SYCN: variants seen among roughly 807,000 people sequenced by gnomAD.
SYCN encodes syncollin.
Under a neutral mutation model 12.6 loss-of-function variants are expected in SYCN, and 16 were observed. The observed-to-expected ratio is 1.27, with a 90% CI of 0.86 to 1.92. The LOEUF is 1.92. Among genes scored for constraint, SYCN ranks in the 30% most tolerant of loss-of-function variants. The pLI, the probability that SYCN is intolerant of heterozygous loss-of-function variation, is 0.00. For synonymous variants in SYCN, 97 were observed against 88.4 expected (o/e 1.10, Z -0.55); for missense variants, 226 against 181.8 (o/e 1.24, Z -1.40).
chr19:39,203,733 G>C, intron 1 of SYCN, 127 bp downstream of exon 1: 1 of 1,157,162 alleles, frequency 8.6e-7, no homozygotes, highest in Non-Finnish European at 1.2e-6. Context: ...GAGGCCTGGT[G>C]CTCCCTGTTA....
At position 39,202,998 on chromosome 19, in the gene SYCN, T is replaced by G; in HGVS notation, c.396-2A>C. The G allele has an allele frequency of 6.3e-7, 1 of 1,575,062 alleles. No individual in the cohort carries two copies. Among genetic ancestry groups the G allele is most frequent in the Non-Finnish European group, 8.6e-7 (1 of 1,160,848 alleles). On this transcript the variant is annotated splice_acceptor_variant, in intron 1 of 1. Transcript: ENST00000318438. LOFTEE classifies it high-confidence loss of function. The stretch of plus-strand genomic sequence containing the variant: ...AGACCAGCAATGCATCAGCTGCACC[T>G]GAAATGTAATCAAGAATTCCTTCCA...
chr19:39,204,205 G>A lies in SYCN; in HGVS notation c.50C>T (p.Pro17Leu). 2 of 1,607,776 alleles carry A rather than the reference G, an allele frequency of 1.2e-6. No homozygotes were observed. The highest frequency in any genetic ancestry group is 1.7e-6 in the Non-Finnish European group (2 of 1,178,616). ...LLLALALASV[P>L]CAQGACPASA... ...GGCGGGGCAGGCGCCCTGGGCGCAA[G>A]GCACGGAGGCAAGGGCCAGGGCCAG... Residue 17 changes from proline to leucine, a missense_variant, in exon 1 of 2, where the codon CCT becomes CTT. By Grantham distance (98) the Pro-to-Leu change is moderately conservative (BLOSUM62 -3). Transcript: ENST00000318438.
At chr19:39,203,336 A>G (rs1455988383) in intron 1 of SYCN, among the ~76,000 whole-genome samples, 2 of 151,234 alleles carry the variant, frequency 1.3e-5, no homozygotes, top group Non-Finnish European at 2.9e-5. Context: ...GGGAGTGGAG[A>G]GCATGAAGGC....
Position 39,202,950 on chromosome 19 carries a change from A to G in SYCN, c.*37T>C, listed in dbSNP as rs913860423. ...GGATGGGCTGAGTGAGGGGCTTGGC[A>G]CTCTGTGGAAGCTGCAGATGAGAGA... On this transcript the variant is annotated 3_prime_UTR_variant, in exon 2 of 2. Transcript: ENST00000318438. The G allele has an allele frequency of 3.8e-6, 6 of 1,576,140 alleles. No homozygotes were observed. The African/African-American group carries it at 6.8e-5, about 18-fold the overall frequency.
At chr19:39,203,647 G>A (rs1185833964) in intron 1 of SYCN, among the ~76,000 whole-genome samples, 1 of 152,034 alleles carries the variant, frequency 6.6e-6, no homozygotes, top group East Asian at 1.9e-4. Flanking sequence ...TGGGGACCGG[G>A]TGCTGGGGGT....
rs764891208 is a variant in SYCN at position 39,203,929 on chromosome 19, G to T, written c.326C>A (p.Pro109Gln). The T allele has an allele frequency of 7.4e-6, 12 of 1,611,350 alleles. No homozygotes were observed. The highest frequency in any genetic ancestry group is 1.0e-5 in the Non-Finnish European group (12 of 1,178,930). ...KTHKFSAGTY[P>Q]RLEEYRRGIL... ...GCCCCGGCGGTACTCCTCCAGGCGC[G>T]GGTAGGTGCCGGCAGAGAACTTGTG... The change falls in exon 1 of 2, where the codon CCG becomes CAG. Residue 109 changes from proline to glutamine, a missense_variant. By Grantham distance (76) the Pro-to-Gln change is moderately conservative (BLOSUM62 -1). Transcript: ENST00000318438.
chr19:39,203,418 A>T (rs2074796470), intron 1 of SYCN, among the ~76,000 whole-genome samples: 1 of 150,534 alleles, frequency 6.6e-6, no homozygotes, highest in Admixed American at 6.6e-5. Flanking sequence ...GGGAGCTTTG[A>T]GATGTGATGA....
At chr19:39,203,631 G>A (rs1445634517) in intron 1 of SYCN, among the ~76,000 whole-genome samples, 1 of 152,040 alleles carries the variant, frequency 6.6e-6, no homozygotes, top group Non-Finnish European at 1.5e-5. Flanking sequence ...TGGGCTGCAG[G>A]TGGAGTGGGG....
Position 39,204,156 on chromosome 19 carries a change from GT to G in SYCN, c.98del (p.Asp33AlafsTer87). 1.9e-6 allele frequency: 3 copies of G among 1,612,586 alleles called. No individual in the cohort carries two copies. The highest frequency in any genetic ancestry group is 2.5e-6 in the Non-Finnish European group (3 of 1,179,666). ...CPASADLKHS[D>X]GTRTCAKLYD... ...AGAGCTTGGCGCAAGTGCGCGTCCC[GT>G]CCGAGTGCTTGAGGTCGGCGGAGGC... On this transcript the variant is annotated frameshift_variant, in exon 1 of 2. Transcript: ENST00000318438. LOFTEE classifies it high-confidence loss of function.
Position 39,203,767 on chromosome 19 carries a change from A to T in SYCN, c.395+93T>A, listed in dbSNP as rs1600436543. The T allele has an allele frequency of 4.4e-5, 62 of 1,412,766 alleles. 1 individual carries two copies. In the South Asian group the frequency reaches 8.8e-4, roughly 20 times the overall value. The allele number at this position is 1,412,766 out of a possible 1,614,324, so 87.5% of individuals were successfully genotyped here. A position where few individuals can be genotyped will look rare whatever the true frequency, so the allele number is the denominator to read the frequency against. On this transcript the variant is annotated intron_variant, in intron 1 of 1. Coordinates refer to ENST00000318438, the MANE Select transcript of SYCN (RefSeq NM_001080468.4). ...TACAGTCGGGAGCTCAGGGGTGTGGAGCAGCCTCGGGGCTTGGGTGGTGGG... is the reference window on the plus strand; with the variant it reads ...TACAGTCGGGAGCTCAGGGGTGTGGTGCAGCCTCGGGGCTTGGGTGGTGGG...
In SYCN at chr19:39,203,904, G is replaced by A; in HGVS notation, c.351C>T (p.Gly117=). The A allele has an allele frequency of 6.2e-7, 1 of 1,611,522 alleles. No homozygotes were observed. Among genetic ancestry groups the A allele is most frequent in the Non-Finnish European group, 8.5e-7 (1 of 1,178,836 alleles). The change falls in exon 1 of 2, where the codon GGC becomes GGT. Residue 117 remains glycine, a synonymous_variant. Coordinates refer to ENST00000318438, the MANE Select transcript of SYCN (RefSeq NM_001080468.4). ...TAGCGTTGGACCAGTCTCCTAAGATGCCCCGGCGGTACTCCTCCAGGCGCG... is the reference window on the plus strand; with the variant it reads ...TAGCGTTGGACCAGTCTCCTAAGATACCCCGGCGGTACTCCTCCAGGCGCG... ...TYPRLEEYRR[G]ILGDWSNAIS... is the part of the protein sequence containing the mutation.
intron 1 of SYCN, among the ~76,000 whole-genome samples, chr19:39,203,545 TA>T (rs2074796958): frequency 6.6e-6 from 1 of 151,704 alleles, no homozygotes; most frequent in African/African-American, 2.4e-5. Context: ...GGCGGGTGGG[TA>T]GGCGGAAGAT....
At chr19:39,203,113 G>C in intron 1 of SYCN, 117 bp from the exon 2 acceptor site, 2 of 1,068,630 alleles carry the variant, frequency 1.9e-6, no homozygotes, top group Non-Finnish European at 2.8e-6. Flanking sequence ...TCCAAGTTCA[G>C]GAACCAGGGA....
Position 39,203,927 on chromosome 19 carries a change from G to C in SYCN, c.328C>G (p.Arg110Gly), listed in dbSNP as rs563908476. Residue 110 changes from arginine (R) to glycine (G), a missense_variant, in exon 1 of 2, where the codon CGC becomes GGC. Arg to Gly is a moderately radical substitution (Grantham distance 125). Coordinates refer to ENST00000318438, the MANE Select transcript of SYCN (RefSeq NM_001080468.4). ...ATGCCCCGGCGGTACTCCTCCAGGCGCGGGTAGGTGCCGGCAGAGAACTTG... is the reference window on the plus strand; with the variant it reads ...ATGCCCCGGCGGTACTCCTCCAGGCCCGGGTAGGTGCCGGCAGAGAACTTG... ...THKFSAGTYP[R>G]LEEYRRGILG... The C allele has an allele frequency of 4.2e-5, 67 of 1,611,134 alleles. No homozygotes were observed. Among genetic ancestry groups the C allele is most frequent in the Non-Finnish European group, 5.6e-5 (66 of 1,178,880 alleles).
chr19:39,203,837 C>G, intron 1 of SYCN, 23 bp downstream of exon 1: 1 of 1,561,716 alleles, frequency 6.4e-7, no homozygotes, highest in Non-Finnish European at 8.7e-7. Context: ...GGGGTGGGCT[C>G]GGAGCTTTGG....
chr19:39,203,879 TA>T lies in SYCN; in HGVS notation c.375del (p.Ile126SerfsTer?). 1.2e-6 allele frequency: 2 copies of T among 1,601,450 alleles called. No homozygotes were observed. Among genetic ancestry groups the T allele is most frequent in the Non-Finnish European group, 1.7e-6 (2 of 1,172,008 alleles). ...GGGCACCTGCAGTAGAGCGCGGAGA[TA>T]GCGTTGGACCAGTCTCCTAAGATGC... ...RRGILGDWSNAISALYCRCS is the reference protein window; with the variant it reads ...RRGILGDWSNXISALYCRCS On this transcript the variant is annotated frameshift_variant, in exon 1 of 2. Transcript: ENST00000318438. LOFTEE classifies it high-confidence loss of function.
chr19:39,203,964 C>G lies in SYCN; in HGVS notation c.291G>C (p.Ala97=). ...CGGCAGAGAACTTGTGCGTCTTGCCCGCCTTGCCTTGCCGGGACCACACGG... is the reference window on the plus strand; with the variant it reads ...CGGCAGAGAACTTGTGCGTCTTGCCGGCCTTGCCTTGCCGGGACCACACGG... The part of the protein sequence containing the change: ...ELTVWSRQGK[A]GKTHKFSAGT... The change falls in exon 1 of 2, where the codon GCG becomes GCC. Residue 97 remains alanine, a synonymous_variant. Coordinates refer to ENST00000318438, the MANE Select transcript of SYCN (RefSeq NM_001080468.4). 2 of 1,609,170 alleles carry G rather than the reference C, an allele frequency of 1.2e-6. No homozygotes were observed. The highest frequency in any genetic ancestry group is 1.7e-6 in the Non-Finnish European group (2 of 1,178,038).
At position 39,204,041 on chromosome 19, in the gene SYCN, T is replaced by G. The variant is rs1464816836; in HGVS notation, c.214A>C (p.Asn72His). Residue 72 changes from asparagine to histidine, a missense_variant, in exon 1 of 2, where the codon AAC (asparagine) becomes CAC (histidine). By Grantham distance (68) the Asn-to-His change is moderately conservative. Coordinates refer to ENST00000318438, the MANE Select transcript of SYCN (RefSeq NM_001080468.4). Reference sequence around the variant, plus strand: ...AGTGAGGAGGCGGTGTTGGCCCAGTTGGAGGGCAGGTAGGGCAGGTCTGCG... The same window carrying G: ...AGTGAGGAGGCGGTGTTGGCCCAGTGGGAGGGCAGGTAGGGCAGGTCTGCG... ...SGADLPYLPS[N>H]WANTASSLVV... 1 of 1,612,564 alleles carries G rather than the reference T, an allele frequency of 6.2e-7. No individual in the cohort carries two copies. Among genetic ancestry groups the G allele is most frequent in the Non-Finnish European group, 8.5e-7 (1 of 1,179,374 alleles).
Position 39,204,191 on chromosome 19 carries a change from C to T in SYCN, c.64G>A (p.Ala22Thr). 1 of 1,609,888 alleles carries T rather than the reference C, an allele frequency of 6.2e-7. No individual in the cohort carries two copies. The highest frequency in any genetic ancestry group is 8.5e-7 in the Non-Finnish European group (1 of 1,179,162). Residue 22 changes from alanine to threonine, a missense_variant, in exon 1 of 2, where the codon GCC (alanine) becomes ACC (threonine). Coordinates refer to ENST00000318438, the MANE Select transcript of SYCN (RefSeq NM_001080468.4). ...ALASVPCAQG[A>T]CPASADLKHS... is the part of the protein sequence containing the mutation. ...TTGAGGTCGGCGGAGGCGGGGCAGG[C>T]GCCCTGGGCGCAAGGCACGGAGGCA... is the stretch of plus-strand genomic sequence containing the variant.
Sources: gnomAD v4.1 joint callset for allele counts (sites outside exome capture counted in the v4.1 genomes callset) on GRCh38, gnomAD v4.1.1 for gene constraint, MANE v1.5 for transcripts, NCBI Gene and HGNC (gene_info 2026-07-23, HGNC 2026-07-21) for gene names.